Variants in GRID2 observed in about 807,000 individuals in gnomAD.
The protein encoded by GRID2 is glutamate receptor ionotropic, delta-2.
In GRID2, 33 loss-of-function variants were observed where a neutral mutation model predicts 114.8. That is an observed-to-expected ratio of 0.29 (90% CI 0.22 to 0.38). The LOEUF (loss-of-function observed/expected upper bound fraction) is 0.38. GRID2 is among the 10% of genes least tolerant of loss of function. The pLI is 1.00. For synonymous variants in GRID2, 505 were observed against 449.9 expected, an observed-to-expected ratio of 1.12 and a Z score of -1.55; for missense variants, 1,184 against 1,257.7, an observed-to-expected ratio of 0.94 and a Z score of 0.89.
chr4:93,515,251 C>T lies in GRID2; in HGVS notation c.2033C>T (p.Pro678Leu). 2 of 1,606,164 alleles carry T rather than the reference C, an allele frequency of 1.2e-6. No individual in the cohort carries two copies. Among genetic ancestry groups the T allele is most frequent in the Non-Finnish European group, 1.7e-6 (2 of 1,175,220 alleles). Residue 678 changes from proline to leucine, a missense_variant, in exon 13 of 16, where the codon CCT becomes CTT. Coordinates refer to ENST00000282020, the MANE Select transcript of GRID2 (RefSeq NM_001510.4). ...LQDLSKQTEI[P>L]YGTVLDSAVY... ...GACCTTTCCAAGCAAACAGAAATCC[C>T]TTATGGCACAGTCCTAGACTCTGCG...
intron 1 of GRID2, among the ~76,000 whole-genome samples, chr4:92,332,524 T>C (rs1247711882): frequency 1.3e-5 from 2 of 152,080 alleles, no homozygotes; most frequent in Non-Finnish European, 1.5e-5. Flanking sequence ...AATTGAAAAA[T>C]ATATTCATTT....
chr4:93,244,330 T>G (rs1011809911), intron 8 of GRID2, among the ~76,000 whole-genome samples: 2 of 151,800 alleles, frequency 1.3e-5, no homozygotes, highest in African/African-American at 4.8e-5. Flanking sequence ...TAAAATAAAA[T>G]GTACGTCAGA....
intron 11 of GRID2, among the ~76,000 whole-genome samples, chr4:93,471,912 C>T (rs1489179282): frequency 6.8e-6 from 1 of 147,544 alleles, no homozygotes. Context: ...GTTGGTCAGG[C>T]TGGTCTCGAA....
chr4:92,633,477 A>C (rs561463352), intron 2 of GRID2, among the ~76,000 whole-genome samples: 38 of 152,244 alleles, frequency 2.5e-4, no homozygotes, highest in Non-Finnish European at 4.4e-4. Context: ...GATAGCAACA[A>C]ATTTTTCATT....
At chr4:93,478,548 A>G (rs1349637354) in intron 11 of GRID2, among the ~76,000 whole-genome samples, 2 of 151,480 alleles carry the variant, frequency 1.3e-5, no homozygotes, top group Admixed American at 1.3e-4. Context: ...GAATTCTATT[A>G]ATTTTAATAG....
intron 1 of GRID2, among the ~76,000 whole-genome samples, chr4:92,554,770 CTGAA>C (rs759109919): frequency 1.3e-5 from 2 of 152,256 alleles, no homozygotes; most frequent in South Asian, 2.1e-4. Context: ...TTCTCAATCT[CTGAA>C]TAGAATCCCA....
intron 14 of GRID2, among the ~76,000 whole-genome samples, chr4:93,737,323 G>C (rs1731012230): frequency 6.6e-6 from 1 of 151,996 alleles, no homozygotes; most frequent in Non-Finnish European, 1.5e-5. Flanking sequence ...AGAGAAAGAG[G>C]ATAAAGTAGA....
Position 93,773,303 on chromosome 4 carries a change from G to T in GRID2, c.*805G>T, listed in dbSNP as rs1734238887. ...TTGCTATTGCAATTCATTTAATAAA[G>T]CTTTAGTTTAAACAAAAGTATTGTA... On this transcript the variant is annotated 3_prime_UTR_variant, in exon 16 of 16. Transcript: ENST00000282020. The T allele has an allele frequency of 6.6e-6, 1 of 151,996 alleles. No individual in the cohort carries two copies. The highest frequency in any genetic ancestry group is 1.5e-5 in the Non-Finnish European group (1 of 67,982). The allele number at this position is 151,996 out of a possible 1,614,324, so 9.4% of individuals were successfully genotyped here. A position where few individuals can be genotyped will look rare whatever the true frequency, so the allele number is the denominator to read the frequency against.
chr4:93,414,685 T>TA (rs1553925780), intron 9 of GRID2, among the ~76,000 whole-genome samples: 2 of 140,518 alleles, frequency 1.4e-5, no homozygotes, highest in Non-Finnish European at 3.1e-5. Context: ...ATCTGACATT[T>TA]TATATATATA....
intron 2 of GRID2, among the ~76,000 whole-genome samples, chr4:93,019,123 A>G (rs898799233): frequency 4.6e-5 from 7 of 152,096 alleles, no homozygotes; most frequent in African/African-American, 1.2e-4. Flanking sequence ...TGTTTTTCAG[A>G]CTGAGTTCCA....
intron 2 of GRID2, among the ~76,000 whole-genome samples, chr4:92,705,029 C>T (rs1734891539): frequency 6.6e-6 from 1 of 151,496 alleles, no homozygotes; most frequent in African/African-American, 2.4e-5. Context: ...TTAATATTTC[C>T]TCTTTTTTCT....
At chr4:92,500,816 G>A (rs1055958546) in intron 1 of GRID2, among the ~76,000 whole-genome samples, 1 of 152,070 alleles carries the variant, frequency 6.6e-6, no homozygotes, top group African/African-American at 2.4e-5. Context: ...AAGCTCTTCC[G>A]GGGCCATAAA....
chr4:92,697,428 A>G (rs1347870736), intron 2 of GRID2, among the ~76,000 whole-genome samples: 1 of 152,192 alleles, frequency 6.6e-6, no homozygotes, highest in African/African-American at 2.4e-5. Context: ...GGTTATAACA[A>G]GAATTGGTTT....
At chr4:93,146,869 T>C (rs943889557) in intron 4 of GRID2, among the ~76,000 whole-genome samples, 2 of 152,158 alleles carry the variant, frequency 1.3e-5, no homozygotes, top group African/African-American at 4.8e-5. Flanking sequence ...TTAAAAAATA[T>C]TGAGTATTTA....
intron 13 of GRID2, among the ~76,000 whole-genome samples, chr4:93,538,745 C>G (rs1256420134): frequency 6.6e-6 from 1 of 151,668 alleles, no homozygotes; most frequent in Admixed American, 6.6e-5. Context: ...CTCCAAAATA[C>G]TACACCAGTA....
intron 10 of GRID2, among the ~76,000 whole-genome samples, chr4:93,425,928 A>AT (rs749450284): frequency 8.6e-5 from 13 of 151,826 alleles, no homozygotes; most frequent in East Asian, 1.9e-4. Context: ...TTTTCTATAT[A>AT]TTTTTTTCAA....
chr4:92,498,379 T>G (rs1395660187), intron 1 of GRID2, among the ~76,000 whole-genome samples: 2 of 151,888 alleles, frequency 1.3e-5, no homozygotes, highest in South Asian at 4.1e-4. Context: ...AGAGCATATA[T>G]GTGCCAAGTA....
At position 93,272,361 on chromosome 4, in the gene GRID2, G is replaced by A. The variant is rs1051554436; in HGVS notation, c.1245+33871G>A. On this transcript the variant is annotated intron_variant, in intron 8 of 15. Coordinates refer to ENST00000282020, the MANE Select transcript of GRID2 (RefSeq NM_001510.4). ...ACAGACAACAAGACAGAGACTATTA[G>A]GAACCAGAGCTGCTGTATGTTATGT... Among the ~76,000 whole-genome samples the A allele has an allele frequency of 3.3e-5, 5 of 152,296 alleles. No homozygotes were observed. In the South Asian group the frequency reaches 6.2e-4, roughly 19 times the overall value.
intron 2 of GRID2, among the ~76,000 whole-genome samples, chr4:92,621,880 A>G (rs182031344): frequency 6.6e-6 from 1 of 152,026 alleles, no homozygotes; most frequent in East Asian, 1.9e-4. Context: ...CATGAAACAC[A>G]CAGAAATTTT....
Sources: gnomAD v4.1 joint callset for allele counts (sites outside exome capture counted in the v4.1 genomes callset) on GRCh38, gnomAD v4.1.1 for gene constraint, MANE v1.5 for transcripts, NCBI Gene and HGNC (gene_info 2026-07-23, HGNC 2026-07-21) for gene names.